Variants in MAP3K4 observed in about 807,000 individuals in gnomAD.
MAP3K4 encodes the protein MAP three kinase 1.
Under a neutral mutation model 185.6 loss-of-function variants are expected in MAP3K4, and 67 were observed. The ratio of observed to expected loss-of-function variants is 0.36; its 90% CI spans 0.30 to 0.44. The LOEUF (loss-of-function observed/expected upper bound fraction) is 0.44, where lower values mean the gene tolerates loss of function less well. MAP3K4 is among the 20% of genes least tolerant of loss of function. The pLI is 1.00. For synonymous variants in MAP3K4, 702 were observed against 710.4 expected (o/e 0.99, Z 0.19); for missense variants, 1,551 against 1,995.1 (o/e 0.78, Z 4.24).
Position 161,071,922 on chromosome 6 carries a change from T to C in MAP3K4, c.1950+1072T>C, listed in dbSNP as rs1005308781. Among the ~76,000 whole-genome samples the C allele has an allele frequency of 5.3e-5, 8 of 152,220 alleles. No individual in the cohort carries two copies. The highest frequency in any genetic ancestry group is 1.9e-4 in the African/African-American group (8 of 41,468). ...TTATGAAAGAAATACTTCAGAAATA[T>C]AGCCTGGTAAAGCAAGGTGGAGTTT... On this transcript the variant is annotated intron_variant, in intron 4 of 26. Transcript: ENST00000392142. The surrounding 1 kb of genome is among the most constrained non-coding windows in gnomAD (Gnocchi z 4.6).
chr6:161,019,370 T>A (rs1396371443), intron 1 of MAP3K4, among the ~76,000 whole-genome samples: 1 of 152,210 alleles, frequency 6.6e-6, no homozygotes, highest in Non-Finnish European at 1.5e-5. Context: ...ACATTCTTCC[T>A]TTCTCTCATT....
rs1457467333 is a variant in MAP3K4 at position 161,033,976 on chromosome 6, TAGAA to T, written c.153-279_153-276del. On this transcript the variant is annotated intron_variant, in intron 1 of 26. Transcript: ENST00000392142. ...TTTTAGTTCTATATTTCATTTGTGT[TAGAA>T]AGAGCTCTATAAACAAGAGAAACAG... is the stretch of plus-strand genomic sequence containing the variant. 2.6e-5 allele frequency among the ~76,000 whole-genome samples: 4 copies of T among 152,192 alleles called. No individual in the cohort carries two copies. The East Asian group carries it at 5.8e-4, about 22-fold the overall frequency.
Position 161,117,052 on chromosome 6 carries a change from G to T in MAP3K4, c.*182G>T. 1.6e-6 allele frequency: 1 copy of T among 619,456 alleles called. No individual in the cohort carries two copies. The allele number at this position is 619,456 out of a possible 1,614,324, so 38.4% of individuals were successfully genotyped here. A position where few individuals can be genotyped will look rare whatever the true frequency, so the allele number is the denominator to read the frequency against. ...GTCTGATGTGGCAAAAGGCCCTCTG[G>T]AGGGCTGGTGGCCACGAGGTTAAAG... is the stretch of plus-strand genomic sequence containing the variant. On this transcript the variant is annotated 3_prime_UTR_variant, in exon 27 of 27. Coordinates refer to ENST00000392142, the MANE Select transcript of MAP3K4 (RefSeq NM_005922.4).
chr6:161,113,837 G>A (rs901109357), intron 25 of MAP3K4, among the ~76,000 whole-genome samples: 9 of 115,170 alleles, frequency 7.8e-5, no homozygotes, highest in East Asian at 5.4e-4. Context: ...TCGCTCTGTC[G>A]CCAGGCAGGA....
chr6:161,112,564 G>T lies in MAP3K4; in HGVS notation c.4520-104G>T. The stretch of plus-strand genomic sequence containing the variant: ...TTTTTGATATTTCCCATTACCTAAT[G>T]CAGGAAGATAATATTGTACAATATT... On this transcript the variant is annotated intron_variant, in intron 24 of 26. Coordinates refer to ENST00000392142, the MANE Select transcript of MAP3K4 (RefSeq NM_005922.4). The surrounding 1 kb of genome is among the most constrained non-coding windows in gnomAD (Gnocchi z 5.1). 1 of 711,450 alleles carries T rather than the reference G, an allele frequency of 1.4e-6. No homozygotes were observed. The highest frequency in any genetic ancestry group is 2.1e-6 in the Non-Finnish European group (1 of 475,730). The allele number at this position is 711,450 out of a possible 1,614,324, so 44.1% of individuals were successfully genotyped here.
chr6:161,048,538 C>G lies in MAP3K4; in HGVS notation c.344-78C>G. ...CTGAAAATATAAATATGTGTGAATA[C>G]CAGTTTTATTGAAAATATTGAGAGT... On this transcript the variant is annotated intron_variant, in intron 2 of 26. Coordinates refer to ENST00000392142, the MANE Select transcript of MAP3K4 (RefSeq NM_005922.4). This position sits in a 1 kb window ranked among gnomAD's most constrained non-coding sequence, Gnocchi z 4.7. The G allele has an allele frequency of 3.3e-6, 3 of 899,244 alleles. No homozygotes were observed. The highest frequency in any genetic ancestry group is 4.9e-6 in the Non-Finnish European group (3 of 608,914). The allele number at this position is 899,244 out of a possible 1,614,324, so 55.7% of individuals were successfully genotyped here.
chr6:161,062,456 T>C (rs146228523), intron 3 of MAP3K4, among the ~76,000 whole-genome samples: 14 of 152,322 alleles, frequency 9.2e-5, no homozygotes, highest in Non-Finnish European at 1.2e-4. Context: ...AGATTTTGTT[T>C]AAAGGCTCAT....
intron 2 of MAP3K4, among the ~76,000 whole-genome samples, chr6:161,045,443 ATTATGTTT>A (rs1307938827): frequency 6.6e-6 from 1 of 152,132 alleles, no homozygotes; most frequent in African/African-American, 2.4e-5. Flanking sequence ...CTGAAATGAG[ATTATGTTT>A]ATGTGGAAAA....
rs1213416858 is a variant in MAP3K4 at position 161,114,560 on chromosome 6, A to G, written c.4627-563A>G. On this transcript the variant is annotated intron_variant, in intron 25 of 26. Transcript: ENST00000392142. The surrounding 1 kb of genome is among the most constrained non-coding windows in gnomAD (Gnocchi z 4.3). ...CACACATAAAAGAACAGGTTCTCAT[A>G]TTGAAGAATACATATTGGCAATGAC... 6.6e-6 allele frequency among the ~76,000 whole-genome samples: 1 copy of G among 152,220 alleles called. No individual in the cohort carries two copies. The highest frequency in any genetic ancestry group is 1.5e-5 in the Non-Finnish European group (1 of 68,040).
chr6:161,104,898 A>G (rs1777998556), intron 19 of MAP3K4, among the ~76,000 whole-genome samples: 1 of 152,182 alleles, frequency 6.6e-6, no homozygotes, highest in Non-Finnish European at 1.5e-5. Flanking sequence ...GTAATAAGAA[A>G]TTATAACTGG....
At chr6:161,060,291 CTTGA>C (rs1348288754) in intron 3 of MAP3K4, among the ~76,000 whole-genome samples, 2 of 152,126 alleles carry the variant, frequency 1.3e-5, no homozygotes, top group East Asian at 3.9e-4. Context: ...GATTAATGTG[CTTGA>C]TTCTTTACCT....
In MAP3K4 at chr6:161,026,342, A is replaced by G. The variant is rs111512958; in HGVS notation, c.153-7917A>G. Among the ~76,000 whole-genome samples, 537 of 151,718 alleles carry G rather than the reference A, an allele frequency of 3.5e-3. 4 individuals carry two copies. Among genetic ancestry groups the G allele is most frequent in the African/African-American group, 0.012 (486 of 41,368 alleles). On this transcript the variant is annotated intron_variant, in intron 1 of 26. Coordinates refer to ENST00000392142, the MANE Select transcript of MAP3K4 (RefSeq NM_005922.4). ...AGTAAAGACGGGGTTTCACCATGTT[A>G]GCCAGGATGGTCTTGATCTTCTGAC...
At chr6:160,992,606 T>C (rs951706968) in intron 1 of MAP3K4, among the ~76,000 whole-genome samples, 2 of 152,160 alleles carry the variant, frequency 1.3e-5, no homozygotes, top group African/African-American at 4.8e-5. Flanking sequence ...GCACTTAGAC[T>C]ATGCAGACAG....
intron 3 of MAP3K4, among the ~76,000 whole-genome samples, chr6:161,066,577 T>C (rs1011027858): frequency 6.6e-6 from 1 of 152,166 alleles, no homozygotes; most frequent in African/African-American, 2.4e-5. Flanking sequence ...TATTAGAGTA[T>C]TTTTATTGTT....
At chr6:161,032,530 T>C (rs1782978941) in intron 1 of MAP3K4, among the ~76,000 whole-genome samples, 1 of 152,210 alleles carries the variant, frequency 6.6e-6, no homozygotes, top group African/African-American at 2.4e-5. Flanking sequence ...ACCCAGCTAA[T>C]AGGCAGTACA....
chr6:161,001,291 T>C (rs1781311991), intron 1 of MAP3K4, among the ~76,000 whole-genome samples: 1 of 151,906 alleles, frequency 6.6e-6, no homozygotes, highest in Non-Finnish European at 1.5e-5. Flanking sequence ...CTATGTGTTA[T>C]AAATGTTATC....
chr6:161,013,805 A>G (rs1781960070), intron 1 of MAP3K4, among the ~76,000 whole-genome samples: 1 of 152,198 alleles, frequency 6.6e-6, no homozygotes, highest in African/African-American at 2.4e-5. Flanking sequence ...CAGTTTATGC[A>G]GAAATTTCTA....
rs59028741 is a variant in MAP3K4 at position 161,080,418 on chromosome 6, C to T, written c.2098-463C>T. 6.6e-6 allele frequency among the ~76,000 whole-genome samples: 1 copy of T among 152,136 alleles called. No homozygotes were observed. On this transcript the variant is annotated intron_variant, in intron 5 of 26. Transcript: ENST00000392142. The surrounding 1 kb of genome is among the most constrained non-coding windows in gnomAD (Gnocchi z 4.8). ...GTTGCAAGCCTTGAAAACATTTTAT[C>T]ACGCAAATCCGGATGTTAGGAAGGG...
chr6:161,086,770 TC>T lies in MAP3K4; in HGVS notation c.2556+104del. The stretch of plus-strand genomic sequence containing the variant: ...GGTCCAGATAGTAAATATTACAGGC[TC>T]TGAAGGCTGTACCACAACCCCAGTT... On this transcript the variant is annotated intron_variant, in intron 9 of 26. Transcript: ENST00000392142. This position sits in a 1 kb window ranked among gnomAD's most constrained non-coding sequence, Gnocchi z 4.8. 1 of 850,886 alleles carries T rather than the reference TC, an allele frequency of 1.2e-6. No individual in the cohort carries two copies. Among genetic ancestry groups the T allele is most frequent in the Non-Finnish European group, 1.8e-6 (1 of 544,652 alleles). 52.7% of individuals were successfully genotyped at this position (850,886 alleles called of 1,614,324 possible). A position where few individuals can be genotyped will look rare whatever the true frequency, so the allele number is the denominator to read the frequency against.
Sources: gnomAD v4.1 joint callset for allele counts (sites outside exome capture counted in the v4.1 genomes callset) on GRCh38, gnomAD v4.1.1 for gene constraint, Gnocchi (gnomAD v3.1) non-coding constraint, MANE v1.5 for transcripts, NCBI Gene and HGNC (gene_info 2026-07-23, HGNC 2026-07-21) for gene names.